GABRB2: variants seen among roughly 807,000 people sequenced by gnomAD.
GABRB2 encodes the protein gamma-aminobutyric acid type A receptor subunit beta2, also known as gamma-aminobutyric acid receptor subunit beta-2.
GABRB2 carries 16 observed loss-of-function variants against 54.7 expected under a neutral mutation model. The observed-to-expected ratio is 0.29, with a 90% CI of 0.20 to 0.44. GABRB2 has a LOEUF of 0.44. Among genes scored for constraint, GABRB2 ranks in the 20% least tolerant of loss-of-function variants. The pLI, the probability that GABRB2 is intolerant of heterozygous loss-of-function variation, is 1.00. For synonymous variants in GABRB2, 244 were observed against 233.8 expected (o/e 1.04, Z -0.40); for missense variants, 355 against 644.0 (o/e 0.55, Z 4.86).
intron 3 of GABRB2, among the ~76,000 whole-genome samples, chr5:161,528,172 C>CA (rs1418894924): frequency 1.3e-5 from 2 of 151,670 alleles, no homozygotes; most frequent in South Asian, 4.2e-4. Flanking sequence ...ACATTAAGAG[C>CA]AAAAATCATA....
chr5:161,373,457 G>A (rs565741457), intron 5 of GABRB2, among the ~76,000 whole-genome samples: 12 of 152,182 alleles, frequency 7.9e-5, no homozygotes, highest in African/African-American at 2.9e-4. Context: ...TATCTGAGGA[G>A]AACCTCATCT....
intron 3 of GABRB2, among the ~76,000 whole-genome samples, chr5:161,467,833 T>C (rs1007932989): frequency 3.3e-5 from 5 of 152,194 alleles, no homozygotes; most frequent in Admixed American, 6.6e-5. Flanking sequence ...AAAGATTCCA[T>C]CTTAGTTATG....
intron 3 of GABRB2, among the ~76,000 whole-genome samples, chr5:161,522,122 A>G (rs925844535): frequency 6.6e-6 from 1 of 151,776 alleles, no homozygotes; most frequent in African/African-American, 2.4e-5. Flanking sequence ...CATTTTCTGT[A>G]TATGAATCTT....
rs76403709 is a variant in GABRB2 at position 161,335,151 on chromosome 5, G to A, written c.680-247C>T. On this transcript the variant is annotated intron_variant, in intron 6 of 9. Coordinates refer to ENST00000393959, the MANE Select transcript of GABRB2 (RefSeq NM_001371727.1). ...GCTCTTCCCTACTCAGCCTCATAGA[G>A]TGAATCAAACATACCCCTCCTCTGT... is the stretch of plus-strand genomic sequence containing the variant. Among the ~76,000 whole-genome samples the A allele has an allele frequency of 0.021, 3,145 of 152,200 alleles. 42 individuals are homozygous for A. The highest frequency in any genetic ancestry group is 0.085 in the Middle Eastern group (25 of 294).
At chr5:161,393,281 T>C (rs368554528) in intron 5 of GABRB2, among the ~76,000 whole-genome samples, 1 of 137,466 alleles carries the variant, frequency 7.3e-6, no homozygotes, top group East Asian at 2.1e-4. Context: ...TTCTCCCTTT[T>C]ATAACTCTTT....
chr5:161,532,164 A>C (rs918882803), intron 3 of GABRB2, among the ~76,000 whole-genome samples: 2 of 152,134 alleles, frequency 1.3e-5, no homozygotes, highest in Non-Finnish European at 2.9e-5. Context: ...CTTTTGTTTC[A>C]ATCATCACAA....
intron 4 of GABRB2, among the ~76,000 whole-genome samples, chr5:161,443,185 G>A (rs1757516488): frequency 6.6e-6 from 1 of 152,010 alleles, no homozygotes; most frequent in South Asian, 2.1e-4. Flanking sequence ...TTTAAATTTA[G>A]TTATATGTAT....
At chr5:161,420,893 G>A (rs1403968380) in intron 4 of GABRB2, among the ~76,000 whole-genome samples, 3 of 152,002 alleles carry the variant, frequency 2.0e-5, no homozygotes, top group Non-Finnish European at 2.9e-5. Flanking sequence ...TCCATTCCTG[G>A]GTCCTTTGTG....
At chr5:161,438,804 A>C (rs545746015) in intron 4 of GABRB2, among the ~76,000 whole-genome samples, 22 of 152,150 alleles carry the variant, frequency 1.4e-4, no homozygotes, top group Non-Finnish European at 3.1e-4. Flanking sequence ...GATCAAGCAG[A>C]AGAAGAAATT....
chr5:161,327,508 C>T (rs1460633711), intron 8 of GABRB2, among the ~76,000 whole-genome samples: 1 of 151,956 alleles, frequency 6.6e-6, no homozygotes, highest in Non-Finnish European at 1.5e-5. Flanking sequence ...CTTCTTTAGG[C>T]ACATAGGCTT....
At chr5:161,391,156 A>G (rs545566604) in intron 5 of GABRB2, among the ~76,000 whole-genome samples, 1 of 152,168 alleles carries the variant, frequency 6.6e-6, no homozygotes, top group Non-Finnish European at 1.5e-5. Context: ...CTTAGGCAGA[A>G]AGAAACATGC....
chr5:161,322,307 C>A (rs991615985), intron 9 of GABRB2, among the ~76,000 whole-genome samples: 1 of 152,138 alleles, frequency 6.6e-6, no homozygotes, highest in South Asian at 2.1e-4. Context: ...GCAATCTTGG[C>A]GCGCTGCAAC....
intron 5 of GABRB2, among the ~76,000 whole-genome samples, chr5:161,385,659 C>T (rs1020617476): frequency 6.6e-6 from 1 of 152,066 alleles, no homozygotes; most frequent in Non-Finnish European, 1.5e-5. Context: ...CTGTGCCATG[C>T]CCTGCGTTAA....
chr5:161,390,915 T>C (rs926483316), intron 5 of GABRB2, among the ~76,000 whole-genome samples: 1 of 152,158 alleles, frequency 6.6e-6, no homozygotes, highest in Admixed American at 6.6e-5. Flanking sequence ...CTTAACCATG[T>C]GCATCTTCTT....
At chr5:161,396,967 A>T (rs1233726635) in intron 5 of GABRB2, among the ~76,000 whole-genome samples, 2 of 152,220 alleles carry the variant, frequency 1.3e-5, no homozygotes, top group Non-Finnish European at 2.9e-5. Context: ...ATTAAATGAG[A>T]TGATAAATGT....
intron 4 of GABRB2, among the ~76,000 whole-genome samples, chr5:161,433,354 C>G: frequency 6.6e-6 from 1 of 151,334 alleles, no homozygotes; most frequent in East Asian, 1.9e-4. Flanking sequence ...AATCCCAGCA[C>G]TCTGGGAGAC....
chr5:161,300,764 G>A (rs1051119317), intron 9 of GABRB2, among the ~76,000 whole-genome samples: 3 of 152,182 alleles, frequency 2.0e-5, no homozygotes, highest in African/African-American at 7.2e-5. Flanking sequence ...AGGTGATGCT[G>A]GGATGCTGGC....
intron 9 of GABRB2, among the ~76,000 whole-genome samples, chr5:161,305,311 C>G (rs1297343263): frequency 6.6e-6 from 1 of 152,134 alleles, no homozygotes; most frequent in African/African-American, 2.4e-5. Context: ...CCACCACGCC[C>G]GGCCGATATA....
At position 161,317,392 on chromosome 5, in the gene GABRB2, C is replaced by G. The variant is rs371591116; in HGVS notation, c.1191+8976G>C. ...TGCCCCTACCATCCCGTCCCACTCT[C>G]CAAATGTAACCACTGGGGAAAAGGT... On this transcript the variant is annotated intron_variant, in intron 9 of 9. Transcript: ENST00000393959. 2.6e-5 allele frequency among the ~76,000 whole-genome samples: 4 copies of G among 152,246 alleles called. No individual in the cohort carries two copies. In the East Asian group the frequency reaches 5.8e-4, roughly 22 times the overall value.
Sources: gnomAD v4.1 joint callset for allele counts (sites outside exome capture counted in the v4.1 genomes callset) on GRCh38, gnomAD v4.1.1 for gene constraint, MANE v1.5 for transcripts, NCBI Gene and HGNC (gene_info 2026-07-23, HGNC 2026-07-21) for gene names.